Variants in MYO1H observed in about 807,000 individuals in gnomAD.
MYO1H encodes myosin IH, also known as unconventional myosin-Ih.
Under a neutral mutation model 149.3 loss-of-function variants are expected in MYO1H, and 118 were observed. The observed-to-expected ratio is 0.79, with a 90% confidence interval of 0.68 to 0.92. The LOEUF is 0.92. Among genes scored for constraint, MYO1H ranks in the 40% least tolerant of loss-of-function variants. The pLI is 0.00. For synonymous variants in MYO1H, 447 were observed against 465.2 expected (o/e 0.96, Z 0.50); for missense variants, 1,212 against 1,280.7 (o/e 0.95, Z 0.82).
the MYO1H span, among the ~76,000 whole-genome samples, chr12:109,322,431 A>G: frequency 2.9e-4 from 44 of 152,274 alleles, no homozygotes; most frequent in East Asian, 5.0e-3. Context: ...ATGCATATTG[A>G]TTTATACATA....
In MYO1H at chr12:109,411,929, C is replaced by T. The variant is rs530296240; in HGVS notation, c.1446C>T (p.Asp482=). 7 of 1,607,260 alleles carry T rather than the reference C, an allele frequency of 4.4e-6. No individual in the cohort carries two copies. The East Asian group carries it at 1.1e-4, about 26-fold the overall frequency. Residue 482 remains aspartate (D), a synonymous_variant, in exon 14 of 32, where the codon GAC becomes GAT. Coordinates refer to ENST00000310903, the Ensembl canonical transcript of MYO1H. Reference sequence around the variant, plus strand: ...GCATTCGGCCTGGTCCTGCTACAGACTTGAGTTTCCTGGAGAAATTGGAAG... The same window carrying T: ...GCATTCGGCCTGGTCCTGCTACAGATTTGAGTTTCCTGGAGAAATTGGAAG...
At chr12:109,315,445 A>G in the MYO1H span, among the ~76,000 whole-genome samples, 1 of 152,012 alleles carries the variant, frequency 6.6e-6, no homozygotes, top group African/African-American at 2.4e-5. Flanking sequence ...GTGATTTTCT[A>G]TTTTTTCAAA....
intron 1 of MYO1H, among the ~76,000 whole-genome samples, chr12:109,352,852 A>G (rs1566016738): frequency 1.3e-5 from 2 of 152,150 alleles, no homozygotes; most frequent in Admixed American, 6.5e-5. Flanking sequence ...GGTAAATAGT[A>G]TATACAATCT....
At chr12:109,348,234 C>A (rs1868377259) in intron 1 of MYO1H, among the ~76,000 whole-genome samples, 1 of 152,222 alleles carries the variant, frequency 6.6e-6, no homozygotes, top group African/African-American at 2.4e-5. Flanking sequence ...TGGTCTAGAA[C>A]AGCGTGCTGT....
At chr12:109,364,525 A>G (rs756771422) in intron 1 of MYO1H, among the ~76,000 whole-genome samples, 1 of 152,118 alleles carries the variant, frequency 6.6e-6, no homozygotes, top group Non-Finnish European at 1.5e-5. Context: ...GGGTTTCTCC[A>G]TATTGCCCAG....
the MYO1H span, among the ~76,000 whole-genome samples, chr12:109,338,065 T>A: frequency 6.6e-6 from 1 of 152,058 alleles, no homozygotes; most frequent in East Asian, 1.9e-4. Flanking sequence ...TTCAAATCAT[T>A]TATTTGATGG....
In MYO1H at chr12:109,401,081, T is replaced by C. The variant is rs2137049611; in HGVS notation, c.571-12T>C. On this transcript the variant is annotated splice_polypyrimidine_tract_variant and intron_variant, in intron 5 of 31. Coordinates refer to ENST00000310903, the Ensembl canonical transcript of MYO1H. ...TTGTTGTCACTGCTGCAATTTTTGT[T>C]CTGTTTTGAAGGGCATTCCCGTAGG... 1.2e-6 allele frequency: 2 copies of C among 1,609,362 alleles called. No individual in the cohort carries two copies.
chr12:109,353,157 A>G (rs925185630), intron 1 of MYO1H, among the ~76,000 whole-genome samples: 59 of 152,104 alleles, frequency 3.9e-4, no homozygotes, highest in African/African-American at 1.4e-3. Flanking sequence ...GCATTTTGGG[A>G]GGCCGAAGTG....
intron 1 of MYO1H, among the ~76,000 whole-genome samples, chr12:109,349,617 T>C (rs1465217741): frequency 7.0e-6 from 1 of 143,458 alleles, no homozygotes; most frequent in East Asian, 2.1e-4. Context: ...ACTGTGATCA[T>C]GCCATGCACT....
intron 26 of MYO1H, among the ~76,000 whole-genome samples, chr12:109,442,013 C>T (rs1246595743): frequency 6.6e-6 from 1 of 152,150 alleles, no homozygotes; most frequent in East Asian, 1.9e-4. Flanking sequence ...TGCCACTGCA[C>T]TCCAGCCTGG....
chr12:109,445,556 TTC>T lies in MYO1H; in HGVS notation c.3038_3039del (p.Phe1013Ter). ...TCCGGGAAAAGAAGGCACAATAGTT[TTC>T]GACACTGGACTGGAAGAACAAGTCT... On this transcript the variant is annotated frameshift_variant, in exon 31 of 32. Transcript: ENST00000310903. LOFTEE classifies it high-confidence loss of function. 2 of 1,612,940 alleles carry T rather than the reference TTC, an allele frequency of 1.2e-6. No individual in the cohort carries two copies. Among genetic ancestry groups the T allele is most frequent in the Non-Finnish European group, 1.7e-6 (2 of 1,179,472 alleles).
At chr12:109,442,172 T>A (rs371274876) in intron 26 of MYO1H, 45 bp from the exon 27 acceptor site, 1 of 1,548,062 alleles carries the variant, frequency 6.5e-7, no homozygotes, top group Non-Finnish European at 8.9e-7. Context: ...TTCCACAGGA[T>A]TGGTACTTTA....
intron 14 of MYO1H, among the ~76,000 whole-genome samples, chr12:109,415,159 C>T (rs12371238): frequency 0.067 from 10,202 of 152,140 alleles, 383 homozygotes; most frequent in South Asian, 0.11. Flanking sequence ...TTATTGGTGC[C>T]ATTTTGTCTC....
At chr12:109,420,454 G>A (rs1198604378) in intron 15 of MYO1H, among the ~76,000 whole-genome samples, 2 of 152,186 alleles carry the variant, frequency 1.3e-5, no homozygotes, top group Non-Finnish European at 2.9e-5. Context: ...GTGGCCTCAG[G>A]AAACATACAA....
At chr12:109,386,994 TCGTGTGTGTGTGTG>T (rs776350588) in intron 1 of MYO1H, among the ~76,000 whole-genome samples, 2 of 96,230 alleles carry the variant, frequency 2.1e-5, no homozygotes, top group Non-Finnish European at 4.4e-5. Context: ...CATCTCAAGT[TCGTGTGTGTGTGTG>T]TGTGTGTGTG....
At chr12:109,432,912 C>T (rs1225177595) in exon 20 of MYO1H, 1 of 1,613,970 alleles carries the variant, frequency 6.2e-7, no homozygotes, top group South Asian at 1.1e-5. Context: ...AGTCCTTATG[C>T]CCAGACACCT....
Position 109,401,102 on chromosome 12 carries a change from G to A in MYO1H, c.580G>A (p.Val194Ile), listed in dbSNP as rs775945838. 5.1e-5 allele frequency: 83 copies of A among 1,613,666 alleles called. No individual in the cohort carries two copies. The highest frequency in any genetic ancestry group is 1.8e-4 in the East Asian group (8 of 44,866). ...TTGTTCTGTTTTGAAGGGCATTCCC[G>A]TAGGTGGGCATATCATCAGTTACTT... Residue 194 changes from valine (V) to isoleucine (I), a missense_variant, in exon 6 of 32, where the codon GTA (valine) becomes ATA (isoleucine). Coordinates refer to ENST00000310903, the Ensembl canonical transcript of MYO1H.
chr12:109,370,845 C>T (rs1335063510), intron 1 of MYO1H, among the ~76,000 whole-genome samples: 1 of 152,102 alleles, frequency 6.6e-6, no homozygotes, highest in Admixed American at 6.5e-5. Flanking sequence ...TGGGGACACA[C>T]AATGAAAAAG....
chr12:109,322,663 T>C, the MYO1H span, among the ~76,000 whole-genome samples: 1 of 151,280 alleles, frequency 6.6e-6, no homozygotes. Flanking sequence ...CTACTAAAAT[T>C]ACAAAAATTA....
Sources: allele counts gnomAD v4.1 joint callset (sites outside exome capture counted in the v4.1 genomes callset), GRCh38; gene constraint gnomAD v4.1.1; transcripts MANE v1.5; gene names NCBI Gene and HGNC (gene_info 2026-07-23, HGNC 2026-07-21).